The following SUCLG2 variants were observed in gnomAD, a reference collection of about 807,000 sequenced individuals.
SUCLG2 encodes succinate-CoA ligase GDP-forming subunit beta.
SUCLG2 carries 42 observed loss-of-function variants against 47.9 expected under a neutral mutation model. That is an observed-to-expected ratio of 0.88 (90% CI 0.69 to 1.14). The LOEUF is 1.14. Among genes scored for constraint, SUCLG2 ranks in the 50% most tolerant of loss-of-function variants. SUCLG2 has a pLI of 0.00. For synonymous variants in SUCLG2, 195 were observed against 197.3 expected (o/e 0.99, Z 0.10); for missense variants, 571 against 525.9 (o/e 1.09, Z -0.84).
intron 10 of SUCLG2, among the ~76,000 whole-genome samples, chr3:67,394,939 G>A (rs1702486748): frequency 6.6e-6 from 1 of 152,044 alleles, no homozygotes; most frequent in Non-Finnish European, 1.5e-5. Flanking sequence ...ATAAGTGAAG[G>A]AGAAATGAAA....
chr3:67,456,016 T>C (rs952942620), intron 9 of SUCLG2, among the ~76,000 whole-genome samples: 2 of 152,226 alleles, frequency 1.3e-5, no homozygotes, highest in African/African-American at 2.4e-5. Context: ...TCCCATGATA[T>C]TGATCAGTAT....
chr3:67,500,721 A>G (rs1055145623), intron 7 of SUCLG2, among the ~76,000 whole-genome samples: 1 of 152,212 alleles, frequency 6.6e-6, no homozygotes, highest in East Asian at 1.9e-4. Flanking sequence ...TAGCTCCTCC[A>G]TTACTCATTG....
chr3:67,417,551 C>T (rs753833963), intron 9 of SUCLG2, among the ~76,000 whole-genome samples: 1 of 152,174 alleles, frequency 6.6e-6, no homozygotes, highest in Non-Finnish European at 1.5e-5. Context: ...AGGAACTGAA[C>T]TAGTTTCTCA....
chr3:67,630,559 T>G (rs1317243674), intron 1 of SUCLG2, among the ~76,000 whole-genome samples: 1 of 152,226 alleles, frequency 6.6e-6, no homozygotes, highest in Non-Finnish European at 1.5e-5. Flanking sequence ...CTAACAATTG[T>G]GCCAAGCACC....
At chr3:67,628,120 C>T (rs1390465073) in intron 1 of SUCLG2, among the ~76,000 whole-genome samples, 1 of 152,140 alleles carries the variant, frequency 6.6e-6, no homozygotes, top group East Asian at 1.9e-4. Context: ...ATGATAAAAG[C>T]AGGAATAGGA....
At chr3:67,448,950 T>C (rs1437189383) in intron 9 of SUCLG2, among the ~76,000 whole-genome samples, 8 of 152,186 alleles carry the variant, frequency 5.3e-5, no homozygotes, top group Admixed American at 5.2e-4. Flanking sequence ...GAACACAGAA[T>C]TGTAACAATA....
intron 10 of SUCLG2, among the ~76,000 whole-genome samples, chr3:67,393,470 G>T (rs188879071): frequency 0.047 from 7,106 of 152,270 alleles, 503 homozygotes; most frequent in African/African-American, 0.16. Context: ...GGCTGGGGGA[G>T]GGGTGCCTGC....
chr3:67,499,546 C>G (rs1705441100), intron 7 of SUCLG2, among the ~76,000 whole-genome samples: 1 of 152,094 alleles, frequency 6.6e-6, no homozygotes, highest in Admixed American at 6.5e-5. Flanking sequence ...TAATAGGAGA[C>G]AGACTACAGG....
chr3:67,500,897 C>T (rs945173456), intron 7 of SUCLG2, among the ~76,000 whole-genome samples: 1 of 152,182 alleles, frequency 6.6e-6, no homozygotes, highest in Non-Finnish European at 1.5e-5. Flanking sequence ...ACTACAGTTA[C>T]AAGCTGCTTC....
chr3:67,630,996 C>G (rs1419355709), intron 1 of SUCLG2, among the ~76,000 whole-genome samples: 1 of 152,120 alleles, frequency 6.6e-6, no homozygotes. Context: ...GTTTGCAGAC[C>G]AATGTCCTAT....
chr3:67,384,416 C>T (rs1273454480), intron 10 of SUCLG2, among the ~76,000 whole-genome samples: 1 of 152,222 alleles, frequency 6.6e-6, no homozygotes, highest in Non-Finnish European at 1.5e-5. Context: ...TACTGTGACA[C>T]AGCCATGTCC....
intron 1 of SUCLG2, among the ~76,000 whole-genome samples, chr3:67,636,472 C>T (rs939864977): frequency 1.3e-5 from 2 of 151,878 alleles, no homozygotes; most frequent in Non-Finnish European, 2.9e-5. Flanking sequence ...CCTGCCTCAG[C>T]CTCCCGAGTA....
At chr3:67,474,923 C>T (rs901798228) in intron 9 of SUCLG2, among the ~76,000 whole-genome samples, 3 of 152,078 alleles carry the variant, frequency 2.0e-5, no homozygotes, top group African/African-American at 7.2e-5. Flanking sequence ...GCTCTACTTT[C>T]CCAACCCTCA....
At chr3:67,459,564 A>T (rs1219622600) in intron 9 of SUCLG2, among the ~76,000 whole-genome samples, 1 of 152,218 alleles carries the variant, frequency 6.6e-6, no homozygotes, top group African/African-American at 2.4e-5. Context: ...TGATATAATG[A>T]AAAAGAAATT....
intron 10 of SUCLG2, among the ~76,000 whole-genome samples, chr3:67,385,885 A>C (rs904370695): frequency 6.6e-6 from 1 of 152,156 alleles, no homozygotes; most frequent in African/African-American, 2.4e-5. Flanking sequence ...GGCTGTGAAC[A>C]ATGGGAGCAG....
intron 9 of SUCLG2, among the ~76,000 whole-genome samples, chr3:67,492,204 G>A (rs575029222): frequency 3.0e-4 from 46 of 152,260 alleles, no homozygotes; most frequent in Non-Finnish European, 5.0e-4. Context: ...CCTCCAGAGA[G>A]CAAAAGATTT....
chr3:67,524,661 G>C (rs1202800864), intron 4 of SUCLG2, among the ~76,000 whole-genome samples: 1 of 152,148 alleles, frequency 6.6e-6, no homozygotes, highest in East Asian at 1.9e-4. Flanking sequence ...TTATACTTTT[G>C]AGAAGATGGA....
chr3:67,637,019 A>G (rs553376054), intron 1 of SUCLG2, among the ~76,000 whole-genome samples: 2 of 152,068 alleles, frequency 1.3e-5, no homozygotes, highest in Admixed American at 1.3e-4. Context: ...GAACAGCATC[A>G]TGAGTGATTA....
chr3:67,473,829 T>A (rs1704665722), intron 9 of SUCLG2, among the ~76,000 whole-genome samples: 1 of 152,230 alleles, frequency 6.6e-6, no homozygotes, highest in South Asian at 2.1e-4. Context: ...TAAGAGTTTA[T>A]CATTCACATC....
Sources: allele counts gnomAD v4.1 joint callset (sites outside exome capture counted in the v4.1 genomes callset), GRCh38; gene constraint gnomAD v4.1.1; transcripts MANE v1.5; gene names NCBI Gene and HGNC (gene_info 2026-07-23, HGNC 2026-07-21).